The following DNAI7 variants were observed in gnomAD, a reference collection of about 807,000 sequenced individuals.
DNAI7 encodes cancer susceptibility 1.
A neutral mutation model predicts 86.6 loss-of-function variants in DNAI7; 78 were observed. The ratio of observed to expected loss-of-function variants is 0.90; its 90% CI spans 0.75 to 1.09. DNAI7 has a LOEUF of 1.09. DNAI7 is among the 50% of genes least tolerant of loss of function. DNAI7 has a pLI of 0.00. For synonymous variants in DNAI7, 274 were observed against 273.0 expected, an observed-to-expected ratio of 1.00 and a Z score of -0.04; for missense variants, 753 against 810.2, an observed-to-expected ratio of 0.93 and a Z score of 0.86.
intron 12 of DNAI7, among the ~76,000 whole-genome samples, chr12:25,118,225 G>A (rs980852396): frequency 5.3e-5 from 8 of 151,782 alleles, no homozygotes; most frequent in East Asian, 1.9e-4. Context: ...GAGCCACAGC[G>A]CCTGGCCTGA....
At chr12:25,120,107 G>T (rs1323894133) in intron 11 of DNAI7, among the ~76,000 whole-genome samples, 2 of 152,130 alleles carry the variant, frequency 1.3e-5, no homozygotes, top group African/African-American at 2.4e-5. Flanking sequence ...CTCAGGCTGG[G>T]ACCTTATGGA....
At chr12:25,145,158 A>C (rs1179318985) in intron 8 of DNAI7, among the ~76,000 whole-genome samples, 2 of 152,228 alleles carry the variant, frequency 1.3e-5, no homozygotes, top group African/African-American at 2.4e-5. Context: ...CCACAAGTGC[A>C]AGCATCTGTA....
intron 2 of DNAI7, among the ~76,000 whole-genome samples, chr12:25,176,923 G>C (rs1439584413): frequency 8.8e-6 from 1 of 113,684 alleles, no homozygotes; most frequent in Non-Finnish European, 1.7e-5. Flanking sequence ...TTTTTTTTGA[G>C]ATGGAGTCTC....
At chr12:25,152,692 G>C (rs12830336) in intron 6 of DNAI7, among the ~76,000 whole-genome samples, 58,175 of 152,088 alleles carry the variant, frequency 0.38, 13,038 homozygotes, top group East Asian at 0.77. Flanking sequence ...CAGGTGACAA[G>C]CTGGGACTTG....
rs1167149426 is a variant in DNAI7 at position 25,155,472 on chromosome 12, G to A, written c.199-60C>T. The A allele has an allele frequency of 1.1e-5, 10 of 895,624 alleles. 1 individual carries two copies. The highest frequency in any genetic ancestry group is 1.0e-4 in the South Asian group (6 of 58,592). The allele number at this position is 895,624 out of a possible 1,614,324, so 55.5% of individuals were successfully genotyped here. On this transcript the variant is annotated intron_variant, in intron 4 of 15. Coordinates refer to ENST00000395987, the MANE Select transcript of DNAI7 (RefSeq NM_018272.5). ...TTAATTTTAACTTTATGTTTCACAA[G>A]TAGCATCTAAAACTGACGTGGCTAA...
chr12:25,120,376 G>A (rs1941073729), intron 11 of DNAI7, among the ~76,000 whole-genome samples: 1 of 150,126 alleles, frequency 6.7e-6, no homozygotes, highest in African/African-American at 2.4e-5. Flanking sequence ...ACATAACTGG[G>A]TATATATGGT....
chr12:25,184,311 T>C (rs979953139), intron 2 of DNAI7, among the ~76,000 whole-genome samples: 4 of 152,196 alleles, frequency 2.6e-5, no homozygotes, highest in African/African-American at 4.8e-5. Context: ...ATGGAAACTA[T>C]GAATCTACTT....
chr12:25,152,112 GC>G (rs1238077170), intron 6 of DNAI7, among the ~76,000 whole-genome samples: 6 of 152,178 alleles, frequency 3.9e-5, no homozygotes, highest in Non-Finnish European at 8.8e-5. Context: ...TTTGGTCTCT[GC>G]CCCCTGTTCC....
In DNAI7 at chr12:25,174,424, T is replaced by TG. The variant is rs1948594885; in HGVS notation, c.22-13228_22-13227insC. Among the ~76,000 whole-genome samples the TG allele has an allele frequency of 6.9e-5, 3 of 43,646 alleles. 1 individual carries two copies. The highest frequency in any genetic ancestry group is 2.4e-4 in the African/African-American group (3 of 12,358). The allele number at this position is 43,646 out of a possible 152,430, so 28.6% of individuals were successfully genotyped here. A position where few individuals can be genotyped will look rare whatever the true frequency, so the allele number is the denominator to read the frequency against. ...ATATATGGGATATATGGGATATATATATCATATATATCATATATATGGGAT... is the reference window on the plus strand; with the variant it reads ...ATATATGGGATATATGGGATATATATGATCATATATATCATATATATGGGAT... On this transcript the variant is annotated intron_variant, in intron 2 of 15. Transcript: ENST00000395987.
In DNAI7 at chr12:25,108,841, T is replaced by G. The variant is rs373747830; in HGVS notation, c.1894-18A>C. 1 of 311,024 alleles carries G rather than the reference T, an allele frequency of 3.2e-6. No homozygotes were observed. Among genetic ancestry groups the G allele is most frequent in the Admixed American group, 1.3e-4 (1 of 7,774 alleles). The allele number at this position is 311,024 out of a possible 1,614,324, so 19.3% of individuals were successfully genotyped here. On this transcript the variant is annotated intron_variant, in intron 15 of 15. Transcript: ENST00000395987. The stretch of plus-strand genomic sequence containing the variant: ...TCCCTCACCTAAAAAAAAAAAAAAT[T>G]CAAGCAAGTTGTTAATAATTCCTCT...
intron 2 of DNAI7, among the ~76,000 whole-genome samples, chr12:25,161,972 G>A (rs141656162): frequency 2.1e-3 from 313 of 152,084 alleles, no homozygotes; most frequent in African/African-American, 6.5e-3. Context: ...ACCTGGTATC[G>A]GAGAAAAAAA....
chr12:25,154,706 A>G (rs1334903202), intron 5 of DNAI7, among the ~76,000 whole-genome samples: 1 of 152,186 alleles, frequency 6.6e-6, no homozygotes, highest in Non-Finnish European at 1.5e-5. Context: ...TTAAAGCATT[A>G]TTTATAAGTA....
chr12:25,161,408 A>G (rs974233975), intron 2 of DNAI7, among the ~76,000 whole-genome samples: 5 of 152,214 alleles, frequency 3.3e-5, no homozygotes, highest in African/African-American at 1.2e-4. Flanking sequence ...TAAGAATATA[A>G]ATTATTCAAA....
intron 11 of DNAI7, 46 bp from the exon 12 acceptor site, chr12:25,119,347 A>C: frequency 7.4e-7 from 1 of 1,349,584 alleles, no homozygotes; most frequent in Non-Finnish European, 1.0e-6. Context: ...GACTGGTAGC[A>C]GTGAAAAATG....
chr12:25,122,949 C>T (rs746844842), intron 10 of DNAI7, among the ~76,000 whole-genome samples: 7 of 152,022 alleles, frequency 4.6e-5, no homozygotes, highest in Non-Finnish European at 1.0e-4. Flanking sequence ...GTATGTAACA[C>T]GTTGTTAGGT....
intron 9 of DNAI7, among the ~76,000 whole-genome samples, chr12:25,126,642 A>G (rs1013432302): frequency 4.6e-5 from 7 of 152,214 alleles, no homozygotes; most frequent in African/African-American, 1.4e-4. Context: ...AGAAAAAAGA[A>G]AAGGAAGAGG....
chr12:25,182,972 AGGAAGG>A (rs1949688484), intron 2 of DNAI7, among the ~76,000 whole-genome samples: 4 of 149,668 alleles, frequency 2.7e-5, no homozygotes, highest in South Asian at 2.1e-4. Flanking sequence ...GGAGGAAGGG[AGGAAGG>A]GAAGGAGAGA....
At position 25,110,295 on chromosome 12, in the gene DNAI7, T is replaced by TC. The variant is rs894229122; in HGVS notation, c.1780-56dup. 9.9e-5 allele frequency: 101 copies of TC among 1,020,708 alleles called. 1 individual carries two copies. In the African/African-American group the frequency reaches 1.3e-3, roughly 14 times the overall value. The allele number at this position is 1,020,708 out of a possible 1,614,324, so 63.2% of individuals were successfully genotyped here. A position where few individuals can be genotyped will look rare whatever the true frequency, so the allele number is the denominator to read the frequency against. ...CTTTGAGCCTCCCAACAAGTCTTCC[T>TC]CCATCTTTGGCCTCCTTCAGTCTAT... On this transcript the variant is annotated intron_variant, in intron 14 of 15. Coordinates refer to ENST00000395987, the MANE Select transcript of DNAI7 (RefSeq NM_018272.5).
chr12:25,125,240 T>C (rs1941954832), intron 9 of DNAI7, among the ~76,000 whole-genome samples: 1 of 152,182 alleles, frequency 6.6e-6, no homozygotes, highest in Non-Finnish European at 1.5e-5. Flanking sequence ...CCACCAACAG[T>C]GTATAAGTGT....
Sources: allele counts gnomAD v4.1 joint callset (sites outside exome capture counted in the v4.1 genomes callset), GRCh38; gene constraint gnomAD v4.1.1; transcripts MANE v1.5; gene names NCBI Gene and HGNC (gene_info 2026-07-23, HGNC 2026-07-21).